The following FAR2 variants were observed in gnomAD, a reference collection of about 807,000 sequenced individuals.
FAR2 encodes epididymis secretory protein Li 81.
FAR2 carries 19 observed loss-of-function variants against 56.0 expected under a neutral mutation model. That is an observed-to-expected ratio of 0.34 (90% confidence interval 0.24 to 0.50). FAR2 has a LOEUF of 0.50. FAR2 is among the 20% of genes least tolerant of loss of function. The probability of loss-of-function intolerance (pLI) is 0.98; values close to 1 mark genes in which losing one functional copy is unlikely to be tolerated. For synonymous variants in FAR2, 219 were observed against 218.8 expected (o/e 1.00, Z -0.01); for missense variants, 508 against 642.2 (o/e 0.79, Z 2.26).
chr12:29,269,164 A>G (rs1948570620), intron 1 of FAR2, among the ~76,000 whole-genome samples: 1 of 152,032 alleles, frequency 6.6e-6, no homozygotes, highest in Admixed American at 6.5e-5. Context: ...ACTGGGGTCT[A>G]TTTCACCCCT....
chr12:29,166,224 A>G (rs1949826345), intron 1 of FAR2, among the ~76,000 whole-genome samples: 1 of 152,260 alleles, frequency 6.6e-6, no homozygotes, highest in Non-Finnish European at 1.5e-5. Context: ...TGGTATTGAC[A>G]GTATCTAAGA....
chr12:29,240,296 G>A (rs1948006801), intron 1 of FAR2, among the ~76,000 whole-genome samples: 1 of 152,064 alleles, frequency 6.6e-6, no homozygotes, highest in South Asian at 2.1e-4. Flanking sequence ...AGGGATTCCT[G>A]GCCAATTTGT....
Position 29,321,804 on chromosome 12 carries a change from G to A in FAR2, c.1137G>A (p.Lys379=). Residue 379 remains lysine, a synonymous_variant, in exon 10 of 12, where the codon AAG becomes AAA. Transcript: ENST00000536681. ...CTGATGGTTATCTCAGGATGACAAA[G>A]CTCATGAATCGGCTTTTAAGAACTG... ...RLTGRKPRMT[K]LMNRLLRTVS... 2 of 1,613,328 alleles carry A rather than the reference G, an allele frequency of 1.2e-6. No individual in the cohort carries two copies. The highest frequency in any genetic ancestry group is 1.7e-6 in the Non-Finnish European group (2 of 1,179,472).
chr12:29,315,980 C>T (rs1225460108), intron 8 of FAR2, among the ~76,000 whole-genome samples: 2 of 152,060 alleles, frequency 1.3e-5, no homozygotes, highest in East Asian at 3.9e-4. Context: ...AATAATGCCA[C>T]AAATGTTTCA....
At chr12:29,299,659 A>G (rs186677085) in intron 4 of FAR2, among the ~76,000 whole-genome samples, 176 of 152,340 alleles carry the variant, frequency 1.2e-3, no homozygotes, top group Middle Eastern at 6.8e-3. Context: ...CATACTTATT[A>G]TTTGCTAATT....
At chr12:29,319,006 T>C (rs755278721) in intron 9 of FAR2, among the ~76,000 whole-genome samples, 2 of 151,998 alleles carry the variant, frequency 1.3e-5, no homozygotes, top group Non-Finnish European at 2.9e-5. Context: ...TTCTTTTTTT[T>C]TTGAGATGGA....
At chr12:29,221,031 C>T (rs1381082336) in intron 1 of FAR2, among the ~76,000 whole-genome samples, 1 of 152,060 alleles carries the variant, frequency 6.6e-6, no homozygotes, top group African/African-American at 2.4e-5. Flanking sequence ...AGTGTGTTTA[C>T]TGGAGTTGTG....
At chr12:29,165,843 A>G (rs1949821467) in intron 1 of FAR2, among the ~76,000 whole-genome samples, 1 of 152,208 alleles carries the variant, frequency 6.6e-6, no homozygotes, top group Admixed American at 6.5e-5. Context: ...ATTCTAATAC[A>G]TGGTAATTAA....
intron 2 of FAR2, chr12:29,281,636 G>A (rs1193353056): frequency 6.6e-6 from 1 of 151,906 alleles, no homozygotes; most frequent in Admixed American, 6.6e-5. Context: ...TAAATCGTTT[G>A]GTTCATGCAC....
chr12:29,242,715 G>GA (rs1948057789), intron 1 of FAR2, among the ~76,000 whole-genome samples: 2 of 152,176 alleles, frequency 1.3e-5, no homozygotes, highest in Admixed American at 6.5e-5. Context: ...CAAGGAAAGA[G>GA]GAAAGTACTC....
chr12:29,323,462 C>A (rs912801035), intron 10 of FAR2, among the ~76,000 whole-genome samples: 5 of 152,204 alleles, frequency 3.3e-5, no homozygotes, highest in Admixed American at 3.3e-4. Context: ...AAGTGGGTCC[C>A]TGACCCCCAA....
rs1374444181 is a variant in FAR2, at chr12:29,333,632, G to A, written c.1386G>A (p.Arg462=). ...TTGGTTATGTCTGTCTGTTCCCTAG[G>A]CTCCGAAATATTCACTACCTCTTTA... ...GIPKAKQRLK[R]LRNIHYLFNT... Residue 462 remains arginine, a splice_region_variant and synonymous_variant, in exon 12 of 12, where the codon AGG becomes AGA. Transcript: ENST00000536681. The A allele has an allele frequency of 1.2e-6, 2 of 1,612,056 alleles. No homozygotes were observed. The highest frequency in any genetic ancestry group is 1.3e-5 in the African/African-American group (1 of 74,934).
rs929049538 is a variant in FAR2, at chr12:29,325,723, C to G, written c.1257+3799C>G. Among the ~76,000 whole-genome samples the G allele has an allele frequency of 3.3e-5, 5 of 152,146 alleles. No homozygotes were observed. In the South Asian group the frequency reaches 8.3e-4, roughly 25 times the overall value. Reference sequence around the variant, plus strand: ...CCAACGAGAACAAAGACACAACATACCAGAATTTCTGGGACACATTCAAAG... The same window carrying G: ...CCAACGAGAACAAAGACACAACATAGCAGAATTTCTGGGACACATTCAAAG... On this transcript the variant is annotated intron_variant, in intron 10 of 11. Coordinates refer to ENST00000536681, the MANE Select transcript of FAR2 (RefSeq NM_001271783.2).
chr12:29,273,367 TC>T lies in FAR2; in HGVS notation c.189+2734del, dbSNP rs1948651596. 3.9e-5 allele frequency among the ~76,000 whole-genome samples: 6 copies of T among 152,128 alleles called. No individual in the cohort carries two copies. In the South Asian group the frequency reaches 1.2e-3, roughly 32 times the overall value. The stretch of plus-strand genomic sequence containing the variant: ...ATTGGAGATCCTGCAGGGAAGCCCC[TC>T]CCCCACCAACGAGGAAGGATGGGTG... On this transcript the variant is annotated intron_variant, in intron 2 of 11. Transcript: ENST00000536681.
At chr12:29,166,345 A>T (rs1949827811) in intron 1 of FAR2, among the ~76,000 whole-genome samples, 1 of 152,198 alleles carries the variant, frequency 6.6e-6, no homozygotes, top group Non-Finnish European at 1.5e-5. Context: ...CACTCCTTGG[A>T]GGACTTATTA....
chr12:29,155,415 A>G (rs537489604), intron 1 of FAR2, among the ~76,000 whole-genome samples: 1 of 152,352 alleles, frequency 6.6e-6, no homozygotes, highest in South Asian at 2.1e-4. Context: ...ATGGCCAAAG[A>G]ACAGTGCAGC....
At chr12:29,223,690 G>A (rs984618738) in intron 1 of FAR2, 1 of 152,144 alleles carries the variant, frequency 6.6e-6, no homozygotes, top group African/African-American at 2.4e-5. Flanking sequence ...TTCAGCTTGG[G>A]GTGAGCTGCA....
chr12:29,291,451 G>C (rs759796603), intron 2 of FAR2: 1 of 456,006 alleles, frequency 2.2e-6, no homozygotes, highest in South Asian at 1.5e-5. Context: ...GCTCTGGGCA[G>C]TTATAAAGGG....
rs576635058 is a variant in FAR2 at position 29,333,028 on chromosome 12, G to A, written c.1385+301G>A. 36 of 417,784 alleles carry A rather than the reference G, an allele frequency of 8.6e-5. 1 individual carries two copies. The highest frequency in any genetic ancestry group is 7.1e-4 in the South Asian group (36 of 50,972). The allele number at this position is 417,784 out of a possible 1,614,324, so 25.9% of individuals were successfully genotyped here. ...AAGAGCCAGATTTGAACCCAAATTT[G>A]TTTCTTCTACCACACTCTGTCATAA... On this transcript the variant is annotated intron_variant, in intron 11 of 11. Transcript: ENST00000536681.
Sources: gnomAD v4.1 joint callset for allele counts (sites outside exome capture counted in the v4.1 genomes callset) on GRCh38, gnomAD v4.1.1 for gene constraint, MANE v1.5 for transcripts, NCBI Gene and HGNC (gene_info 2026-07-23, HGNC 2026-07-21) for gene names.